LRRC75A: variants seen among roughly 807,000 people sequenced by gnomAD.
The protein encoded by LRRC75A is leucine-rich repeat-containing protein 75A.
Under a neutral mutation model 26.0 loss-of-function variants are expected in LRRC75A, and 12 were observed. The observed-to-expected ratio is 0.46, with a 90% CI of 0.30 to 0.75. The LOEUF is 0.75. LRRC75A is among the 30% of genes least tolerant of loss of function. The pLI is 0.08. For synonymous variants in LRRC75A, 223 were observed against 219.3 expected, an observed-to-expected ratio of 1.02 and a Z score of -0.15; for missense variants, 410 against 486.6, an observed-to-expected ratio of 0.84 and a Z score of 1.48.
intron 2 of LRRC75A, among the ~76,000 whole-genome samples, chr17:16,454,909 T>C (rs1268830395): frequency 1.2e-5 from 1 of 81,700 alleles, no homozygotes; most frequent in Non-Finnish European, 2.9e-5. Flanking sequence ...AGGGTCCTCA[T>C]TTCTTTTCTT....
intron 1 of LRRC75A, among the ~76,000 whole-genome samples, chr17:16,464,506 C>A (rs983193337): frequency 6.6e-6 from 1 of 152,168 alleles, no homozygotes; most frequent in Non-Finnish European, 1.5e-5. Context: ...GGAACAAGAC[C>A]AAGTGTTACA....
At chr17:16,485,862 C>T (rs955269063) in intron 1 of LRRC75A, among the ~76,000 whole-genome samples, 1 of 151,614 alleles carries the variant, frequency 6.6e-6, no homozygotes, top group Non-Finnish European at 1.5e-5. Flanking sequence ...AGACCCTGGT[C>T]ACTGGATAAC....
In LRRC75A at chr17:16,462,350, G is replaced by T; in HGVS notation, c.283C>A (p.Leu95Met). The T allele has an allele frequency of 6.2e-7, 1 of 1,614,208 alleles. No homozygotes were observed. The highest frequency in any genetic ancestry group is 8.5e-7 in the Non-Finnish European group (1 of 1,180,042). The change falls in exon 2 of 4, where the codon CTG (leucine) becomes ATG (methionine). Residue 95 changes from leucine (L) to methionine (M), a missense_variant. Physicochemically the swap from Leu to Met is conservative, Grantham distance 15. Coordinates refer to ENST00000470794, the MANE Select transcript of LRRC75A (RefSeq NM_001113567.3). This position sits in a 1 kb window ranked among gnomAD's most constrained non-coding sequence, Gnocchi z 4.6. ...GMESTSLDDVLYRYASFRNLV... is the reference protein window; with the variant it reads ...GMESTSLDDVMYRYASFRNLV... ...TTCCGGAAGCTGGCGTAGCGATACA[G>T]AACGTCGTCTAGCGAGGTCGACTCC...
At chr17:16,474,851 G>C (rs1443224064) in intron 1 of LRRC75A, among the ~76,000 whole-genome samples, 1 of 151,810 alleles carries the variant, frequency 6.6e-6, no homozygotes, top group Non-Finnish European at 1.5e-5. Context: ...AAATTAGCCG[G>C]GCGTGGTGGT....
intron 1 of LRRC75A, among the ~76,000 whole-genome samples, chr17:16,481,952 G>A (rs1601201059): frequency 2.0e-5 from 3 of 152,236 alleles, no homozygotes; most frequent in Admixed American, 2.0e-4. Context: ...GACTCCCCAG[G>A]TCCCCATGGG....
At chr17:16,457,121 ATACCATC>A (rs1275043463) in intron 2 of LRRC75A, among the ~76,000 whole-genome samples, 1 of 94,536 alleles carries the variant, frequency 1.1e-5, no homozygotes, top group Non-Finnish European at 2.7e-5. Context: ...TCAGGCAGTG[ATACCATC>A]TGCCATCTTC....
intron 1 of LRRC75A, among the ~76,000 whole-genome samples, chr17:16,480,178 T>C (rs1218685324): frequency 6.6e-6 from 1 of 152,180 alleles, no homozygotes; most frequent in Non-Finnish European, 1.5e-5. Flanking sequence ...TTCCACATTA[T>C]GGGGAGTTGT....
At chr17:16,454,880 T>G (rs1292570993) in intron 2 of LRRC75A, among the ~76,000 whole-genome samples, 2 of 151,772 alleles carry the variant, frequency 1.3e-5, no homozygotes, top group African/African-American at 4.8e-5. Flanking sequence ...TGTATCAGCC[T>G]CCCAGGTAGC....
rs1445047152 is a variant in LRRC75A at position 16,442,974 on chromosome 17, T to C, written c.*614A>G. 1 of 152,596 alleles carries C rather than the reference T, an allele frequency of 6.6e-6. No homozygotes were observed. The highest frequency in any genetic ancestry group is 1.5e-5 in the Non-Finnish European group (1 of 68,354). 9.5% of individuals were successfully genotyped at this position (152,596 alleles called of 1,614,324 possible). A position where few individuals can be genotyped will look rare whatever the true frequency, so the allele number is the denominator to read the frequency against. Reference sequence around the variant, plus strand: ...GCTGCTCTGTCAAAGGATATAGCGATAGCTGGTCCTATGGGCAGATGCCTA... The same window carrying C: ...GCTGCTCTGTCAAAGGATATAGCGACAGCTGGTCCTATGGGCAGATGCCTA... On this transcript the variant is annotated 3_prime_UTR_variant, in exon 4 of 4. Transcript: ENST00000470794.
chr17:16,443,437 C>A lies in LRRC75A; in HGVS notation c.*151G>T. ...AAGTTTTAACACAAATCCCCTTCCC[C>A]AGATGATATGGTTTGCCTTTCTGTA... On this transcript the variant is annotated 3_prime_UTR_variant, in exon 4 of 4. Transcript: ENST00000470794. The A allele has an allele frequency of 1.6e-6, 1 of 632,430 alleles. No individual in the cohort carries two copies. Among genetic ancestry groups the A allele is most frequent in the Non-Finnish European group, 2.6e-6 (1 of 377,430 alleles). The allele number at this position is 632,430 out of a possible 1,614,324, so 39.2% of individuals were successfully genotyped here. A position where few individuals can be genotyped will look rare whatever the true frequency, so the allele number is the denominator to read the frequency against.
intron 2 of LRRC75A, among the ~76,000 whole-genome samples, chr17:16,452,484 C>G (rs373216118): frequency 1.8e-4 from 28 of 151,456 alleles, no homozygotes; most frequent in African/African-American, 6.3e-4. Context: ...GTTGCCCAGG[C>G]TGGAGTGCAG....
At chr17:16,485,669 T>TGTGTGTGTGTGTGTGTGTG (rs1555893680) in intron 1 of LRRC75A, among the ~76,000 whole-genome samples, 18 of 114,238 alleles carry the variant, frequency 1.6e-4, no homozygotes, top group South Asian at 3.0e-4. Context: ...TGTGTGTGTG[T>TGTGTGTGTGTGTGTGTGTG]TCGTGTGTGT....
At chr17:16,485,631 AGT>A (rs35125617) in intron 1 of LRRC75A, among the ~76,000 whole-genome samples, 35,500 of 128,158 alleles carry the variant, frequency 0.28, 4,709 homozygotes, top group East Asian at 0.59. Flanking sequence ...CAGGACAAGC[AGT>A]GTGTGTGTGT....
At chr17:16,476,888 A>T (rs111611726) in intron 1 of LRRC75A, among the ~76,000 whole-genome samples, 1 of 151,642 alleles carries the variant, frequency 6.6e-6, no homozygotes, top group African/African-American at 2.4e-5. Context: ...ACAGGCGCCC[A>T]CCACCACGCC....
intron 1 of LRRC75A, among the ~76,000 whole-genome samples, chr17:16,468,298 A>G (rs976556718): frequency 1.3e-5 from 2 of 152,250 alleles, no homozygotes; most frequent in African/African-American, 2.4e-5. Flanking sequence ...AAAAGGCGAA[A>G]ACAATCCGGG....
chr17:16,479,655 C>G (rs1457367049), intron 1 of LRRC75A, among the ~76,000 whole-genome samples: 1 of 152,218 alleles, frequency 6.6e-6, no homozygotes, highest in Admixed American at 6.5e-5. Flanking sequence ...CTCTACACCC[C>G]CAAGTCCTTG....
chr17:16,450,614 C>T lies in LRRC75A; in HGVS notation c.376-2654G>A, dbSNP rs142172500. ...ACGGCTTCATTCCCCACCCCTGGAG[C>T]TGACATCTTTTGGTTCCTAGACTTA... On this transcript the variant is annotated intron_variant, in intron 2 of 3. Coordinates refer to ENST00000470794, the MANE Select transcript of LRRC75A (RefSeq NM_001113567.3). Among the ~76,000 whole-genome samples, 308 of 152,354 alleles carry T rather than the reference C, an allele frequency of 2.0e-3. 7 individuals carry two copies. Among genetic ancestry groups the T allele is most frequent in the African/African-American group, 7.0e-3 (290 of 41,580 alleles).
chr17:16,487,467 C>T (rs1266771506), intron 1 of LRRC75A, among the ~76,000 whole-genome samples: 2 of 152,174 alleles, frequency 1.3e-5, no homozygotes, highest in East Asian at 1.9e-4. Context: ...CTCTTAGGTC[C>T]TGGCTCTGTG....
chr17:16,476,887 C>T (rs1016835087), intron 1 of LRRC75A, among the ~76,000 whole-genome samples: 5 of 151,956 alleles, frequency 3.3e-5, no homozygotes, highest in Admixed American at 6.6e-5. Context: ...CACAGGCGCC[C>T]ACCACCACGC....
Sources: allele counts gnomAD v4.1 joint callset (sites outside exome capture counted in the v4.1 genomes callset), GRCh38; gene constraint gnomAD v4.1.1; non-coding constraint Gnocchi (gnomAD v3.1); transcripts MANE v1.5; gene names NCBI Gene and HGNC (gene_info 2026-07-23, HGNC 2026-07-21).